The following FBXL7 variants were observed in gnomAD, a reference collection of about 807,000 sequenced individuals.
FBXL7 encodes F-box and leucine rich repeat protein 7.
A neutral mutation model predicts 38.3 loss-of-function variants in FBXL7; 12 were observed. That is an observed-to-expected ratio of 0.31 (90% CI 0.20 to 0.51). FBXL7 has a LOEUF of 0.51. Among genes scored for constraint, FBXL7 ranks in the 20% least tolerant of loss-of-function variants. The pLI is 0.98. For missense variants in FBXL7, 567 were observed against 676.4 expected (o/e 0.84, Z 1.79); for synonymous variants, 297 against 300.9 (o/e 0.99, Z 0.13).
intron 2 of FBXL7, among the ~76,000 whole-genome samples, chr5:15,725,838 A>T (rs966980407): frequency 6.6e-6 from 1 of 152,134 alleles, no homozygotes; most frequent in Non-Finnish European, 1.5e-5. Context: ...GGGTTTCACC[A>T]TGTTGGCCAG....
chr5:15,556,954 T>G (rs369964624), intron 1 of FBXL7, among the ~76,000 whole-genome samples: 1 of 152,178 alleles, frequency 6.6e-6, no homozygotes, highest in South Asian at 2.1e-4. Context: ...TTGTGGTTTT[T>G]TTTGAAGGAG....
intron 1 of FBXL7, among the ~76,000 whole-genome samples, chr5:15,512,663 C>T (rs920227395): frequency 3.9e-5 from 6 of 152,120 alleles, no homozygotes. Flanking sequence ...AATAGTTTTG[C>T]TTGTATATTT....
intron 2 of FBXL7, among the ~76,000 whole-genome samples, chr5:15,670,341 A>T (rs7722819): frequency 0.13 from 18,843 of 145,558 alleles, 1,338 homozygotes; most frequent in Non-Finnish European, 0.17. Context: ...GTTTAAAATT[A>T]AAAGTCTTTC....
At chr5:15,565,484 T>C (rs1303247655) in intron 1 of FBXL7, among the ~76,000 whole-genome samples, 2 of 151,308 alleles carry the variant, frequency 1.3e-5, no homozygotes, top group African/African-American at 4.8e-5. Flanking sequence ...TAAAATAATA[T>C]ATAATAAAAC....
At chr5:15,761,578 C>T (rs915009710) in intron 2 of FBXL7, among the ~76,000 whole-genome samples, 3 of 152,122 alleles carry the variant, frequency 2.0e-5, no homozygotes, top group Admixed American at 6.5e-5. Flanking sequence ...GGTCTCACTC[C>T]GGTTGTCCAG....
chr5:15,776,556 C>T (rs1736862413), intron 2 of FBXL7, among the ~76,000 whole-genome samples: 1 of 152,084 alleles, frequency 6.6e-6, no homozygotes, highest in Non-Finnish European at 1.5e-5. Context: ...ACATCTTGCA[C>T]CCATTTTCTA....
In FBXL7 at chr5:15,936,633, G is replaced by C. The variant is rs1561195678; in HGVS notation, c.923G>C (p.Cys308Ser). 1 of 1,609,158 alleles carries C rather than the reference G, an allele frequency of 6.2e-7. No homozygotes were observed. ...CTCACCCACCTCTACCTGCGCCGCTGCGTCCGCCTGACCGACGAAGGCCTG... is the reference window on the plus strand; with the variant it reads ...CTCACCCACCTCTACCTGCGCCGCTCCGTCCGCCTGACCGACGAAGGCCTG... ...TQLTHLYLRRCVRLTDEGLRY... is the reference protein window; with the variant it reads ...TQLTHLYLRRSVRLTDEGLRY... Residue 308 changes from cysteine to serine, a missense_variant, in exon 4 of 4, where the codon TGC (cysteine) becomes TCC (serine). By Grantham distance (112) the Cys-to-Ser change is moderately radical. Transcript: ENST00000504595. This position sits in a 1 kb window ranked among gnomAD's most constrained non-coding sequence, Gnocchi z 6.0.
chr5:15,540,864 G>C (rs1580359457), intron 1 of FBXL7, among the ~76,000 whole-genome samples: 1 of 152,058 alleles, frequency 6.6e-6, no homozygotes, highest in South Asian at 2.1e-4. Context: ...ACCATCATGA[G>C]CTAATTACCT....
At chr5:15,613,548 A>G (rs16867529) in intron 1 of FBXL7, among the ~76,000 whole-genome samples, 15,780 of 152,176 alleles carry the variant, frequency 0.1, 940 homozygotes, top group African/African-American at 0.16. Context: ...CTAAGTCCCA[A>G]TGAGCAATGG....
chr5:15,640,146 T>C (rs1252594189), intron 2 of FBXL7, among the ~76,000 whole-genome samples: 1 of 152,190 alleles, frequency 6.6e-6, no homozygotes, highest in African/African-American at 2.4e-5. Flanking sequence ...ACACGTTGGG[T>C]AGCTTAAGAC....
At chr5:15,527,802 C>G (rs758593117) in intron 1 of FBXL7, among the ~76,000 whole-genome samples, 40 of 152,166 alleles carry the variant, frequency 2.6e-4, no homozygotes, top group Non-Finnish European at 4.4e-4. Context: ...ACCTCTTATC[C>G]AAGAAGGAGT....
intron 2 of FBXL7, among the ~76,000 whole-genome samples, chr5:15,641,873 C>T (rs897638630): frequency 6.6e-6 from 1 of 151,212 alleles, no homozygotes; most frequent in African/African-American, 2.4e-5. Flanking sequence ...GACTTTTCAG[C>T]CTTCATGTTA....
intron 1 of FBXL7, among the ~76,000 whole-genome samples, chr5:15,564,177 A>C (rs958006542): frequency 6.6e-6 from 1 of 152,064 alleles, no homozygotes; most frequent in African/African-American, 2.4e-5. Flanking sequence ...TGGAGTGTCT[A>C]TTATGAGATT....
intron 2 of FBXL7, among the ~76,000 whole-genome samples, chr5:15,786,575 T>C (rs1028348936): frequency 5.9e-5 from 9 of 152,172 alleles, no homozygotes; most frequent in African/African-American, 1.9e-4. Context: ...ATAAAGTAAA[T>C]TGGCAGAAAT....
intron 2 of FBXL7, among the ~76,000 whole-genome samples, chr5:15,924,146 T>C (rs906068932): frequency 2.0e-5 from 3 of 152,152 alleles, no homozygotes; most frequent in African/African-American, 2.4e-5. Flanking sequence ...AAGTCCAAAA[T>C]TGGTTTATAT....
chr5:15,711,003 T>C (rs12517648), intron 2 of FBXL7, among the ~76,000 whole-genome samples: 8,036 of 152,278 alleles, frequency 0.053, 232 homozygotes, highest in East Asian at 0.081. Context: ...AATGCTGTTC[T>C]CTTGATAAGT....
chr5:15,594,271 G>T (rs1007428689), intron 1 of FBXL7, among the ~76,000 whole-genome samples: 56 of 152,186 alleles, frequency 3.7e-4, no homozygotes, highest in Admixed American at 3.6e-3. Flanking sequence ...TTCATTGAAC[G>T]TGGAGGGCGG....
chr5:15,585,687 T>A (rs965426423), intron 1 of FBXL7, among the ~76,000 whole-genome samples: 1 of 152,240 alleles, frequency 6.6e-6, no homozygotes, highest in East Asian at 1.9e-4. Flanking sequence ...CCATTAACTC[T>A]AACTCCATCA....
At chr5:15,744,972 A>G (rs1411597183) in intron 2 of FBXL7, among the ~76,000 whole-genome samples, 1 of 152,176 alleles carries the variant, frequency 6.6e-6, no homozygotes, top group African/African-American at 2.4e-5. Flanking sequence ...CCATGATTCA[A>G]TTACCTCCCA....
Sources: allele counts gnomAD v4.1 joint callset (sites outside exome capture counted in the v4.1 genomes callset), GRCh38; gene constraint gnomAD v4.1.1; non-coding constraint Gnocchi (gnomAD v3.1); transcripts MANE v1.5; gene names NCBI Gene and HGNC (gene_info 2026-07-23, HGNC 2026-07-21).